The following AKAP9 variants were observed in gnomAD, a reference collection of about 807,000 sequenced individuals.
The protein encoded by AKAP9 is A-kinase anchor protein 9.
A neutral mutation model predicts 488.5 loss-of-function variants in AKAP9; 311 were observed. The ratio of observed to expected loss-of-function variants is 0.64; its 90% CI spans 0.58 to 0.70. AKAP9 has a LOEUF of 0.70. Ranked by LOEUF, AKAP9 falls within the 30% of genes least tolerant of loss-of-function variation. The probability of loss-of-function intolerance (pLI) is 0.00; values close to 1 mark genes in which losing one functional copy is unlikely to be tolerated. For missense variants in AKAP9, 4,215 were observed against 4,374.5 expected, an observed-to-expected ratio of 0.96 and a Z score of 1.03; for synonymous variants, 1,462 against 1,483.5, an observed-to-expected ratio of 0.99 and a Z score of 0.33.
chr7:92,010,377 A>C (rs1800534910), intron 8 of AKAP9, among the ~76,000 whole-genome samples: 1 of 152,258 alleles, frequency 6.6e-6, no homozygotes, highest in Non-Finnish European at 1.5e-5. Context: ...ATAATTACCC[A>C]CAAGTGTGTT....
Position 92,038,537 on chromosome 7 carries a change from A to G in AKAP9, c.4457A>G (p.His1486Arg), listed in dbSNP as rs755931396. 82 of 1,613,830 alleles carry G rather than the reference A, an allele frequency of 5.1e-5. No individual in the cohort carries two copies. The highest frequency in any genetic ancestry group is 6.5e-5 in the Non-Finnish European group (77 of 1,179,896). The change falls in exon 17 of 50, where the codon CAT becomes CGT. Residue 1486 changes from histidine (H) to arginine (R), a missense_variant. Coordinates refer to ENST00000356239, the MANE Select transcript of AKAP9 (RefSeq NM_005751.5). Reference sequence around the variant, plus strand: ...CATGCTGTGTGTCAGCAAGAACAACATTATTTTAATGAAATGAAATTATCA... The same window carrying G: ...CATGCTGTGTGTCAGCAAGAACAACGTTATTTTAATGAAATGAAATTATCA... ...QAHAVCQQEQ[H>R]YFNEMKLSQD... is the part of the protein sequence containing the mutation.
At chr7:91,963,112 C>T (rs1221809551) in intron 1 of AKAP9, among the ~76,000 whole-genome samples, 1 of 151,980 alleles carries the variant, frequency 6.6e-6, no homozygotes, top group Non-Finnish European at 1.5e-5. Context: ...AACAATGCAC[C>T]TAGAATTCTG....
At chr7:92,089,623 T>C (rs1815199383) in intron 38 of AKAP9, 94 bp downstream of exon 38, 1 of 1,338,772 alleles carries the variant, frequency 7.5e-7, no homozygotes, top group Admixed American at 2.0e-5. Context: ...AAACATATTT[T>C]CTTGGTCACA....
intron 7 of AKAP9, among the ~76,000 whole-genome samples, 179 bp from the exon 8 acceptor site, chr7:92,000,669 G>T (rs139317138): frequency 6.6e-6 from 1 of 152,264 alleles, no homozygotes; most frequent in Non-Finnish European, 1.5e-5. Context: ...AGTAGTGTTG[G>T]TTACACGAGT....
At chr7:92,086,154 T>C (rs1214644843) in intron 36 of AKAP9, 74 bp from the exon 37 acceptor site, 9 of 1,219,484 alleles carry the variant, frequency 7.4e-6, no homozygotes, top group Non-Finnish European at 1.1e-5. Context: ...TTTTTCTTTG[T>C]AGATTAATAT....
intron 46 of AKAP9, among the ~76,000 whole-genome samples, chr7:92,105,348 A>G: frequency 6.6e-6 from 1 of 151,782 alleles, no homozygotes; most frequent in East Asian, 1.9e-4. Context: ...TCTTTTCATT[A>G]CTTCTCACCC....
chr7:92,100,166 C>T (rs1157687336), intron 44 of AKAP9: 1 of 329,040 alleles, frequency 3.0e-6, no homozygotes, highest in Non-Finnish European at 5.8e-6. Flanking sequence ...AACCAAGATA[C>T]TTGTATCTCC....
chr7:91,940,987 T>G lies in AKAP9; in HGVS notation c.-113T>G. ...TCGGGCGGGGGAGCGCCGGACCGAA[T>G]CGGCTCTCTAGGCCGTGGAGCTTGC... On this transcript the variant is annotated 5_prime_UTR_variant, in exon 1 of 50. Transcript: ENST00000356239. The G allele has an allele frequency of 8.9e-7, 1 of 1,128,508 alleles. No individual in the cohort carries two copies. The highest frequency in any genetic ancestry group is 1.4e-6 in the Non-Finnish European group (1 of 739,456). 69.9% of individuals were successfully genotyped at this position (1,128,508 alleles called of 1,614,324 possible).
chr7:92,013,873 A>AT (rs147736652), intron 9 of AKAP9, among the ~76,000 whole-genome samples: 1 of 149,692 alleles, frequency 6.7e-6, no homozygotes, highest in Admixed American at 6.6e-5. Flanking sequence ...AATGATCAAC[A>AT]TTTTTAAAAA....
In AKAP9 at chr7:92,093,276, A is replaced by C; in HGVS notation, c.9538A>C (p.Lys3180Gln). The change falls in exon 39 of 50, where the codon AAG becomes CAG. Residue 3180 changes from lysine (K) to glutamine (Q), a missense_variant. Around this residue, in one of 5 missense-constraint regions of AKAP9, gnomAD observed 1,476 missense variants for 1,477.4 expected, o/e 1.00. Coordinates refer to ENST00000356239, the MANE Select transcript of AKAP9 (RefSeq NM_005751.5). Reference protein sequence around the residue: ...QTKLELETTLKAQHKHLKELE... With the variant: ...QTKLELETTLQAQHKHLKELE... ...TAAATTGGAACTAGAAACAACACTC[A>C]AGGCACAGCATAAACACCTAAAAGA... The C allele has an allele frequency of 1.2e-6, 2 of 1,614,114 alleles. No homozygotes were observed. The highest frequency in any genetic ancestry group is 1.7e-6 in the Non-Finnish European group (2 of 1,180,028).
chr7:92,108,782 T>C (rs1271880814), intron 49 of AKAP9, 149 bp downstream of exon 49: 1 of 942,908 alleles, frequency 1.1e-6, no homozygotes, highest in Non-Finnish European at 1.7e-6. Flanking sequence ...GCTTAAACTC[T>C]TGTAACCAGC....
At chr7:92,040,409 AG>A (rs1805874072) in intron 17 of AKAP9, among the ~76,000 whole-genome samples, 1 of 152,112 alleles carries the variant, frequency 6.6e-6, no homozygotes, top group African/African-American at 2.4e-5. Flanking sequence ...TTTTTCTATT[AG>A]AATTAGATTA....
At chr7:92,074,499 A>G (rs961229448) in intron 28 of AKAP9, among the ~76,000 whole-genome samples, 1 of 152,240 alleles carries the variant, frequency 6.6e-6, no homozygotes, top group African/African-American at 2.4e-5. Context: ...TGACCCAGCA[A>G]TCCCATTACT....
chr7:92,067,205 CAT>C (rs758720634), intron 26 of AKAP9, among the ~76,000 whole-genome samples: 3 of 152,282 alleles, frequency 2.0e-5, no homozygotes, highest in East Asian at 3.9e-4. Context: ...CCCAGGCAGT[CAT>C]ATATAAATGC....
chr7:91,949,404 A>T (rs1012933760), intron 1 of AKAP9, among the ~76,000 whole-genome samples: 2 of 152,118 alleles, frequency 1.3e-5, no homozygotes, highest in African/African-American at 2.4e-5. Flanking sequence ...ATTCCATTCC[A>T]TGAGCAGCTG....
At chr7:91,988,924 A>G (rs1488494380) in intron 3 of AKAP9, among the ~76,000 whole-genome samples, 1 of 152,208 alleles carries the variant, frequency 6.6e-6, no homozygotes, top group Non-Finnish European at 1.5e-5. Flanking sequence ...ATTAGGTGAA[A>G]TACAGTTATT....
intron 6 of AKAP9, among the ~76,000 whole-genome samples, chr7:91,995,079 T>A (rs1798222742): frequency 6.6e-6 from 1 of 152,218 alleles, no homozygotes; most frequent in Non-Finnish European, 1.5e-5. Context: ...CCTTTGCCAA[T>A]TCTGGTATGG....
chr7:91,949,886 T>A (rs953514231), intron 1 of AKAP9, among the ~76,000 whole-genome samples: 3 of 152,238 alleles, frequency 2.0e-5, no homozygotes, highest in African/African-American at 7.2e-5. Flanking sequence ...GTTAAGATTC[T>A]TATTGTGGTT....
At position 92,022,846 on chromosome 7, in the gene AKAP9, C is replaced by T; in HGVS notation, c.3985C>T (p.Gln1329Ter). The change falls in exon 14 of 50, where the codon CAA becomes TAA. Residue 1329 changes from glutamine to a stop codon, truncating the protein, a stop_gained. Transcript: ENST00000356239. LOFTEE classifies it high-confidence loss of function. The part of the protein sequence containing the change: ...VNHKSKLSSL[Q>*]DLEKTKLEEQ... ...TCATAAAAGCAAGTTATCTTCTCTG[C>T]AAGATCTTGAAAAAACTAAACTTGA... The T allele has an allele frequency of 6.3e-7, 1 of 1,592,830 alleles. No homozygotes were observed. Among genetic ancestry groups the T allele is most frequent in the Non-Finnish European group, 8.6e-7 (1 of 1,169,230 alleles).
Sources: allele counts gnomAD v4.1 joint callset (sites outside exome capture counted in the v4.1 genomes callset), GRCh38; gene constraint gnomAD v4.1.1; regional missense constraint gnomAD v4.1.1; transcripts MANE v1.5; gene names NCBI Gene and HGNC (gene_info 2026-07-23, HGNC 2026-07-21).